The following FGF17 variants were observed in gnomAD, a reference collection of about 807,000 sequenced individuals.
The protein encoded by FGF17 is fibroblast growth factor 17.
Under a neutral mutation model 23.5 loss-of-function variants are expected in FGF17, and 5 were observed. The observed-to-expected ratio is 0.21, with a 90% CI of 0.11 to 0.45. FGF17 has a LOEUF of 0.45. Among genes scored for constraint, FGF17 ranks in the 20% least tolerant of loss-of-function variants. The probability of loss-of-function intolerance (pLI) is 0.99; values close to 1 mark genes in which losing one functional copy is unlikely to be tolerated. For synonymous variants in FGF17, 136 were observed against 123.0 expected (o/e 1.11, Z -0.70); for missense variants, 221 against 306.9 (o/e 0.72, Z 2.09).
intron 2 of FGF17, chr8:22,045,196 G>A (rs3176286): frequency 1.5e-5 from 15 of 985,574 alleles, no homozygotes; most frequent in Admixed American, 6.1e-5. Context: ...GTGCGTGGGG[G>A]GAAATGGTTC....
chr8:22,042,790 T>A (rs1269247427), upstream of FGF17: 7 of 566,316 alleles, frequency 1.2e-5, no homozygotes, highest in Admixed American at 5.0e-5. Flanking sequence ...CCTCCTCCCC[T>A]TTCTCTCCTC....
At position 22,043,816 on chromosome 8, in the gene FGF17, TC is replaced by T. The variant is rs1800790941; in HGVS notation, c.72+638del. Among the ~76,000 whole-genome samples, 3 of 142,650 alleles carry T rather than the reference TC, an allele frequency of 2.1e-5. No individual in the cohort carries two copies. In the Admixed American group the frequency reaches 2.2e-4, roughly 10 times the overall value. The allele number at this position is 142,650 out of a possible 152,430, so 93.6% of individuals were successfully genotyped here. A position where few individuals can be genotyped will look rare whatever the true frequency, so the allele number is the denominator to read the frequency against. On this transcript the variant is annotated intron_variant, in intron 2 of 4. Transcript: ENST00000359441. ...TCTCAGCCCCCAGTGCGAGGCTTGC[TC>T]CCTTTTTTGTGATCCTCCATAAAAG...
At chr8:22,041,491 C>T (rs1188752456), upstream of FGF17, among the ~76,000 whole-genome samples, 2 of 152,236 alleles carry the variant, frequency 1.3e-5, no homozygotes, top group African/African-American at 4.8e-5. Context: ...TGCTTGCTCA[C>T]ACTGGGTCTT....
rs1055892403 is a variant in FGF17 at position 22,045,615 on chromosome 8, C to G, written c.73-499C>G. The stretch of plus-strand genomic sequence containing the variant: ...ACCCTAACTCGCAGCACCATCTGCT[C>G]TGTGCCCGTGTGCTGGGCAAGGGGT... On this transcript the variant is annotated intron_variant, in intron 2 of 4. Coordinates refer to ENST00000359441, the MANE Select transcript of FGF17 (RefSeq NM_003867.4). 23 of 1,039,802 alleles carry G rather than the reference C, an allele frequency of 2.2e-5. No individual in the cohort carries two copies. In the Admixed American group the frequency reaches 1.2e-3, roughly 53 times the overall value. 64.4% of individuals were successfully genotyped at this position (1,039,802 alleles called of 1,614,324 possible).
intron 2 of FGF17, 172 bp from the exon 3 acceptor site, chr8:22,045,941 AT>A: frequency 3.3e-6 from 5 of 1,521,306 alleles, no homozygotes; most frequent in Non-Finnish European, 4.4e-6. Flanking sequence ...CAAAGAGGTT[AT>A]GACCGGCTCA....
chr8:22,048,334 AG>A lies in FGF17; in HGVS notation c.*89del, dbSNP rs1801008007. ...CCAAGGACTGGGCTGGGGTGGCGGG[AG>A]GGGAGCCAGATCCCCGAGGGAGGAC... On this transcript the variant is annotated 3_prime_UTR_variant, in exon 5 of 5. Transcript: ENST00000359441. This position sits in a 1 kb window ranked among gnomAD's most constrained non-coding sequence, Gnocchi z 6.9. 8.3e-7 allele frequency: 1 copy of A among 1,208,228 alleles called. No individual in the cohort carries two copies. 74.8% of individuals were successfully genotyped at this position (1,208,228 alleles called of 1,614,324 possible). A position where few individuals can be genotyped will look rare whatever the true frequency, so the allele number is the denominator to read the frequency against.
At position 22,046,009 on chromosome 8, in the gene FGF17, G is replaced by T. The variant is rs1353408419; in HGVS notation, c.73-105G>T. 3.1e-6 allele frequency: 5 copies of T among 1,599,472 alleles called. No individual in the cohort carries two copies. In the Admixed American group the frequency reaches 8.7e-5, roughly 28 times the overall value. Reference sequence around the variant, plus strand: ...CCCACTTCACTCTGCAGGACAAGTGGCCTGTCCCCACTATATTCACCTCCT... The same window carrying T: ...CCCACTTCACTCTGCAGGACAAGTGTCCTGTCCCCACTATATTCACCTCCT... On this transcript the variant is annotated intron_variant, in intron 2 of 4. Coordinates refer to ENST00000359441, the MANE Select transcript of FGF17 (RefSeq NM_003867.4).
chr8:22,043,797 C>A (rs1008163663), intron 2 of FGF17, among the ~76,000 whole-genome samples: 1 of 149,868 alleles, frequency 6.7e-6, no homozygotes, highest in Non-Finnish European at 1.5e-5. Flanking sequence ...CAAGTCTCAG[C>A]CCCCAGTGCG....
At chr8:22,047,897 C>A (rs1192637547) in intron 4 of FGF17, 59 bp from the exon 5 acceptor site, 3 of 1,529,744 alleles carry the variant, frequency 2.0e-6, no homozygotes, top group Non-Finnish European at 2.7e-6. Context: ...GCCGTAAGGG[C>A]GACACCCCAG....
chr8:22,044,545 C>T (rs756646301), intron 2 of FGF17: 139 of 289,196 alleles, frequency 4.8e-4, no homozygotes, highest in Non-Finnish European at 6.8e-4. Flanking sequence ...CCAGAGGAGG[C>T]CGTCGGCCAA....
chr8:22,044,117 C>A (rs1800801504), intron 2 of FGF17, among the ~76,000 whole-genome samples: 1 of 152,092 alleles, frequency 6.6e-6, no homozygotes, highest in Admixed American at 6.5e-5. Flanking sequence ...AGCCCCCAGC[C>A]TGGCTGGGAG....
At position 22,042,879 on chromosome 8, in the gene FGF17, C is replaced by T. The variant is rs1219628868; in HGVS notation, c.-50C>T. 24 of 1,607,352 alleles carry T rather than the reference C, an allele frequency of 1.5e-5. No homozygotes were observed. Among genetic ancestry groups the T allele is most frequent in the Non-Finnish European group, 1.5e-5 (18 of 1,175,632 alleles). On this transcript the variant is annotated 5_prime_UTR_variant, in exon 1 of 5. Coordinates refer to ENST00000359441, the MANE Select transcript of FGF17 (RefSeq NM_003867.4). ...TACCCCTGGGGACTTCCCACATCTG[C>T]TCCTGAGCTTGGGGGCAGGGGGGCA...
In FGF17 at chr8:22,048,228, G is replaced by T. The variant is rs1359944836; in HGVS notation, c.630G>T (p.Arg210=). ...SAPTRRTKRT[R]RPQPLT ...CCACCCGCCGGACCAAGCGCACACG[G>T]CGGCCCCAGCCCCTCACGTAGTCTG... The change falls in exon 5 of 5, where the codon CGG becomes CGT. Residue 210 remains arginine (R), a synonymous_variant. Coordinates refer to ENST00000359441, the MANE Select transcript of FGF17 (RefSeq NM_003867.4). This position sits in a 1 kb window ranked among gnomAD's most constrained non-coding sequence, Gnocchi z 6.9. 1 of 1,607,832 alleles carries T rather than the reference G, an allele frequency of 6.2e-7. No homozygotes were observed. The highest frequency in any genetic ancestry group is 8.5e-7 in the Non-Finnish European group (1 of 1,177,826).
In FGF17 at chr8:22,047,957, C is replaced by T. The variant is rs367959077; in HGVS notation, c.359C>T (p.Pro120Leu). ...MNKRGKLIGK[P>L]SGKSKDCVFT... ...TTCCTGTCCTTGCTTCTCCCGCAGC[C>T]CAGCGGGAAGAGCAAAGACTGCGTG... The change falls in exon 5 of 5, where the codon CCC (proline) becomes CTC (leucine). Residue 120 changes from proline (P) to leucine (L), a missense_variant and splice_region_variant. By Grantham distance (98) the Pro-to-Leu change is moderately conservative (BLOSUM62 -3). Coordinates refer to ENST00000359441, the MANE Select transcript of FGF17 (RefSeq NM_003867.4). 8 of 1,598,364 alleles carry T rather than the reference C, an allele frequency of 5.0e-6. No individual in the cohort carries two copies. The East Asian group carries it at 1.1e-4, about 22-fold the overall frequency.
chr8:22,044,632 A>T (rs1442865455), intron 2 of FGF17: 2 of 973,250 alleles, frequency 2.1e-6, no homozygotes, highest in African/African-American at 3.5e-5. Context: ...AAGGGAGGCC[A>T]GCGTGGGGCA....
chr8:22,046,323 C>T, intron 3 of FGF17, 32 bp downstream of exon 3: 1 of 1,601,792 alleles, frequency 6.2e-7, no homozygotes, highest in Non-Finnish European at 8.5e-7. Context: ...AGGGCACCCA[C>T]ACCTCCACTC....
chr8:22,043,647 G>A (rs1190892600), intron 2 of FGF17, among the ~76,000 whole-genome samples: 1 of 152,110 alleles, frequency 6.6e-6, no homozygotes, highest in East Asian at 1.9e-4. Context: ...GCCTGGCCAG[G>A]GTGAGGTGAC....
In FGF17 at chr8:22,047,067, G is replaced by C. The variant is rs149003736; in HGVS notation, c.357+434G>C. ...CTCCCAAAGTGCTGGGATTACAGGC[G>C]TGAGCCACGGAGCCCGGCCTGGTTT... On this transcript the variant is annotated intron_variant, in intron 4 of 4. Transcript: ENST00000359441. Among the ~76,000 whole-genome samples, 81 of 150,160 alleles carry C rather than the reference G, an allele frequency of 5.4e-4. 2 individuals are homozygous for C. The highest frequency in any genetic ancestry group is 1.9e-3 in the African/African-American group (77 of 40,802).
intron 2 of FGF17, chr8:22,045,305 G>T (rs763043894): frequency 3.0e-6 from 3 of 986,162 alleles, no homozygotes; most frequent in African/African-American, 1.7e-5. Flanking sequence ...CCTGCCAGGG[G>T]CAGCCATTGG....
Sources: gnomAD v4.1 joint callset for allele counts (sites outside exome capture counted in the v4.1 genomes callset) on GRCh38, gnomAD v4.1.1 for gene constraint, Gnocchi (gnomAD v3.1) non-coding constraint, MANE v1.5 for transcripts, NCBI Gene and HGNC (gene_info 2026-07-23, HGNC 2026-07-21) for gene names.